The following HHIPL1 variants were observed in gnomAD, a reference collection of about 807,000 sequenced individuals.
The protein encoded by HHIPL1 is HHIP-like protein 1.
A neutral mutation model predicts 61.8 loss-of-function variants in HHIPL1; 43 were observed. That is an observed-to-expected ratio of 0.70 (90% CI 0.55 to 0.90). The LOEUF is 0.90. Ranked by LOEUF, HHIPL1 falls within the 40% of genes least tolerant of loss-of-function variation. The pLI is 0.00. For missense variants in HHIPL1, 1,056 were observed against 1,157.7 expected (o/e 0.91, Z 1.28); for synonymous variants, 482 against 515.8 (o/e 0.93, Z 0.89).
At chr14:99,649,133 G>A (rs758561738) in intron 1 of HHIPL1, among the ~76,000 whole-genome samples, 3 of 152,158 alleles carry the variant, frequency 2.0e-5, no homozygotes, top group African/African-American at 2.4e-5. Context: ...CCACATTTAC[G>A]TCGTGTGTAA....
the HHIPL1 span, among the ~76,000 whole-genome samples, chr14:99,618,136 T>C: frequency 6.6e-5 from 10 of 152,132 alleles, no homozygotes; most frequent in Non-Finnish European, 1.5e-4. Flanking sequence ...TTGCCCTCAG[T>C]GTCTGTCAGA....
intron 2 of HHIPL1, among the ~76,000 whole-genome samples, chr14:99,655,402 G>A (rs909186983): frequency 1.2e-4 from 19 of 152,160 alleles, no homozygotes; most frequent in Admixed American, 3.9e-4. Context: ...AAGGAGGATC[G>A]CTTGAGGACA....
At chr14:99,652,178 G>T in intron 1 of HHIPL1, 46 bp from the exon 2 acceptor site, 1 of 1,532,618 alleles carries the variant, frequency 6.5e-7, no homozygotes, top group South Asian at 1.3e-5. Flanking sequence ...CCTTGGGCTG[G>T]TAAGCACCTC....
At chr14:99,642,443 G>C (rs2055763551), upstream of HHIPL1, among the ~76,000 whole-genome samples, 1 of 152,110 alleles carries the variant, frequency 6.6e-6, no homozygotes, top group Non-Finnish European at 1.5e-5. Flanking sequence ...GCTCACTGGT[G>C]TTCTCCTCGG....
At chr14:99,616,342 T>C in the HHIPL1 span, among the ~76,000 whole-genome samples, 1 of 152,202 alleles carries the variant, frequency 6.6e-6, no homozygotes. Flanking sequence ...CCAGATCATA[T>C]CCTCGTCATT....
Position 99,660,044 on chromosome 14 carries a change from C to A in HHIPL1, c.1376-236C>A, listed in dbSNP as rs906628644. On this transcript the variant is annotated intron_variant, in intron 4 of 8. Transcript: ENST00000330710. The surrounding 1 kb of genome is among the most constrained non-coding windows in gnomAD (Gnocchi z 4.9). Reference sequence around the variant, plus strand: ...CCCGCCTCCACCCGGAGCCTCCCTGCGCCTTGGAGGCCTCCCAGCAGCGCT... The same window carrying A: ...CCCGCCTCCACCCGGAGCCTCCCTGAGCCTTGGAGGCCTCCCAGCAGCGCT... Among the ~76,000 whole-genome samples, 13 of 151,792 alleles carry A rather than the reference C, an allele frequency of 8.6e-5. No individual in the cohort carries two copies. Among genetic ancestry groups the A allele is most frequent in the African/African-American group, 3.1e-4 (13 of 41,328 alleles).
chr14:99,657,547 G>A (rs1419476783), intron 3 of HHIPL1, among the ~76,000 whole-genome samples: 1 of 152,192 alleles, frequency 6.6e-6, no homozygotes, highest in Non-Finnish European at 1.5e-5. Flanking sequence ...GTGTGAGCTG[G>A]CTGGAGCAGG....
At chr14:99,628,079 C>T in the HHIPL1 span, among the ~76,000 whole-genome samples, 2 of 151,972 alleles carry the variant, frequency 1.3e-5, no homozygotes, top group Admixed American at 6.6e-5. Context: ...ATGGGCTAGA[C>T]GACCAGTGCT....
At chr14:99,607,553 G>A in the HHIPL1 span, among the ~76,000 whole-genome samples, 7 of 152,150 alleles carry the variant, frequency 4.6e-5, no homozygotes, top group Non-Finnish European at 8.8e-5. Context: ...GCTAACACAC[G>A]GTAGATGCTA....
At chr14:99,638,183 C>T in the HHIPL1 span, among the ~76,000 whole-genome samples, 2 of 152,318 alleles carry the variant, frequency 1.3e-5, no homozygotes, top group East Asian at 1.9e-4. Context: ...TCCCGGCTAC[C>T]AGAGTGGCAG....
At chr14:99,635,117 C>T in the HHIPL1 span, among the ~76,000 whole-genome samples, 3 of 151,904 alleles carry the variant, frequency 2.0e-5, no homozygotes, top group East Asian at 1.9e-4. Flanking sequence ...GGACACTCAA[C>T]GAGCTGGAGG....
the HHIPL1 span, among the ~76,000 whole-genome samples, chr14:99,621,709 C>CTTTTTTTTTTTTTT: frequency 1.5e-4 from 13 of 84,534 alleles, 1 homozygote; most frequent in Non-Finnish European, 2.6e-4. Context: ...CTTTTCTTTT[C>CTTTTTTTTTTTTTT]TTTTTTTTTT....
chr14:99,675,726 G>T lies in HHIPL1; in HGVS notation c.*100G>T. The T allele has an allele frequency of 8.1e-7, 1 of 1,235,308 alleles. No homozygotes were observed. Among genetic ancestry groups the T allele is most frequent in the East Asian group, 2.6e-5 (1 of 38,170 alleles). 76.5% of individuals were successfully genotyped at this position (1,235,308 alleles called of 1,614,324 possible). ...AGCGGGTGCACACGTGTTCTAGAGT[G>T]AAGGGGGTGCGGGTGTGTGCTGTCC... On this transcript the variant is annotated 3_prime_UTR_variant, in exon 9 of 9. Coordinates refer to ENST00000330710, the MANE Select transcript of HHIPL1 (RefSeq NM_001127258.3). This position sits in a 1 kb window ranked among gnomAD's most constrained non-coding sequence, Gnocchi z 5.4.
intron 1 of HHIPL1, among the ~76,000 whole-genome samples, chr14:99,645,692 C>T (rs968428464): frequency 2.0e-5 from 3 of 152,214 alleles, no homozygotes; most frequent in African/African-American, 7.2e-5. Context: ...GCCTCAGTTT[C>T]CCCTCCTGAA....
the HHIPL1 span, among the ~76,000 whole-genome samples, chr14:99,604,882 C>G: frequency 6.6e-6 from 1 of 152,126 alleles, no homozygotes; most frequent in Non-Finnish European, 1.5e-5. Context: ...CTCTTTGTCC[C>G]CTTCCCTGCC....
At chr14:99,635,018 C>T in the HHIPL1 span, among the ~76,000 whole-genome samples, 1 of 152,122 alleles carries the variant, frequency 6.6e-6, no homozygotes, top group Admixed American at 6.5e-5. Context: ...ACCTCCCCTC[C>T]GAGGGGCAAG....
chr14:99,622,644 C>T, the HHIPL1 span, among the ~76,000 whole-genome samples: 1 of 152,180 alleles, frequency 6.6e-6, no homozygotes, highest in Non-Finnish European at 1.5e-5. Context: ...CTGTGCTGGC[C>T]GTGTCTGCCT....
chr14:99,619,801 G>A, the HHIPL1 span, among the ~76,000 whole-genome samples: 3 of 151,540 alleles, frequency 2.0e-5, no homozygotes, highest in Non-Finnish European at 2.9e-5. Context: ...GCTGCTGAGC[G>A]CCAGTTCTGT....
At chr14:99,620,604 T>TG in the HHIPL1 span, among the ~76,000 whole-genome samples, 51 of 151,982 alleles carry the variant, frequency 3.4e-4, no homozygotes, top group East Asian at 7.0e-3. Context: ...ACCACTCAGG[T>TG]GGGGGGCGGG....
Sources: gnomAD v4.1 joint callset for allele counts (sites outside exome capture counted in the v4.1 genomes callset) on GRCh38, gnomAD v4.1.1 for gene constraint, Gnocchi (gnomAD v3.1) non-coding constraint, MANE v1.5 for transcripts, NCBI Gene and HGNC (gene_info 2026-07-23, HGNC 2026-07-21) for gene names.